The following MUC4 variants were observed in gnomAD, a reference collection of about 807,000 sequenced individuals.
MUC4 encodes the protein mucin 4, cell surface associated, also known as mucin-4.
Under a neutral mutation model 257.9 loss-of-function variants are expected in MUC4, and 202 were observed. That is an observed-to-expected ratio of 0.78 (90% CI 0.70 to 0.88). MUC4 has a LOEUF of 0.88. Ranked by LOEUF, MUC4 falls within the 40% of genes least tolerant of loss-of-function variation. The pLI, the probability that MUC4 is intolerant of heterozygous loss-of-function variation, is 0.00. For synonymous variants in MUC4, 2,351 were observed against 2,757.1 expected, an observed-to-expected ratio of 0.85 and a Z score of 4.62; for missense variants, 5,976 against 6,513.7, an observed-to-expected ratio of 0.92 and a Z score of 2.84.
At chr3:195,806,646 G>A (rs1736021112) in intron 1 of MUC4, among the ~76,000 whole-genome samples, 1 of 152,226 alleles carries the variant, frequency 6.6e-6, no homozygotes, top group African/African-American at 2.4e-5. Context: ...TCAGCAGGGT[G>A]TGTGAATGCT....
intron 1 of MUC4, among the ~76,000 whole-genome samples, chr3:195,793,441 G>A (rs1256505390): frequency 6.6e-6 from 1 of 151,976 alleles, no homozygotes; most frequent in Non-Finnish European, 1.5e-5. Context: ...GGTGGAGGTT[G>A]CAGTGAGCAG....
At chr3:195,774,751 T>G (rs1274661920) in intron 3 of MUC4, among the ~76,000 whole-genome samples, 1 of 151,646 alleles carries the variant, frequency 6.6e-6, no homozygotes, top group Non-Finnish European at 1.5e-5. Context: ...AATACAAAAA[T>G]TAGCCGGGTG....
intron 14 of MUC4, 148 bp from the exon 15 acceptor site, chr3:195,761,733 C>A: frequency 1.5e-6 from 1 of 657,568 alleles, no homozygotes; most frequent in African/African-American, 1.8e-5. Flanking sequence ...GCCGGGAGGA[C>A]GGGCCCTCAC....
chr3:195,778,706 C>A, intron 2 of MUC4, 84 bp downstream of exon 2: 3 of 1,429,132 alleles, frequency 2.1e-6, no homozygotes, highest in Non-Finnish European at 2.8e-6. Flanking sequence ...AATGCGAATG[C>A]ACCAGTGTTC....
rs569820601 is a variant in MUC4 at position 195,759,240 on chromosome 3, T to C, written c.14870A>G (p.Asn4957Ser). ...GTAGGCTTCAATCACACGACCACCA[T>C]TGATGGAGGGCGGGTACTGATCTGA... ...ATLNQYPPSI[N>S]GGRVIEAYKG... The change falls in exon 17 of 25, where the codon AAT (asparagine) becomes AGT (serine). Residue 4957 changes from asparagine to serine, a missense_variant. Around this residue, in one of 44 missense-constraint regions of MUC4, gnomAD observed 996 missense variants for 1,137.3 expected, o/e 0.88. Coordinates refer to ENST00000463781, the MANE Select transcript of MUC4 (RefSeq NM_018406.7). The C allele has an allele frequency of 6.2e-6, 10 of 1,614,036 alleles. No individual in the cohort carries two copies. In the South Asian group the frequency reaches 8.8e-5, roughly 14 times the overall value.
intron 1 of MUC4, among the ~76,000 whole-genome samples, chr3:195,798,245 G>A (rs1734799941): frequency 6.6e-6 from 1 of 152,164 alleles, no homozygotes; most frequent in African/African-American, 2.4e-5. Context: ...AACAAAAGAT[G>A]TGCTTAATCT....
rs767871456 is a variant in MUC4 at position 195,765,049 on chromosome 3, C to T, written c.13872G>A (p.Gly4624=). ...SWRGGVCCSY[G]PWGEFREGWH... is the part of the protein sequence containing the mutation. ...AGCCTTCACGAAACTCTCCCCAGGG[C>T]CCGTAGCTGCAGCACACGCCTCCTC... The change falls in exon 10 of 25, where the codon GGG becomes GGA. Residue 4624 remains glycine, a synonymous_variant. Coordinates refer to ENST00000463781, the MANE Select transcript of MUC4 (RefSeq NM_018406.7). The T allele has an allele frequency of 6.2e-7, 1 of 1,613,858 alleles. No individual in the cohort carries two copies. The highest frequency in any genetic ancestry group is 8.5e-7 in the Non-Finnish European group (1 of 1,180,014).
intron 2 of MUC4, 106 bp downstream of exon 2, chr3:195,778,684 G>A (rs977157259): frequency 2.2e-6 from 3 of 1,369,594 alleles, no homozygotes; most frequent in East Asian, 2.5e-5. Flanking sequence ...ACCTGACACG[G>A]CCCCACCAGG....
chr3:195,807,653 T>C (rs1320865309), intron 1 of MUC4, among the ~76,000 whole-genome samples: 9 of 152,116 alleles, frequency 5.9e-5, no homozygotes, highest in Admixed American at 5.9e-4. Flanking sequence ...AGGCTGAAAC[T>C]AGGGGGAGAG....
intron 3 of MUC4, among the ~76,000 whole-genome samples, chr3:195,774,913 A>AT (rs1724004508): frequency 6.6e-6 from 1 of 151,648 alleles, no homozygotes; most frequent in Admixed American, 6.6e-5. Context: ...AAAAAAAAAA[A>AT]AAAAATAGAC....
chr3:195,780,269 T>G lies in MUC4; in HGVS notation c.11311A>C (p.Thr3771Pro), dbSNP rs775397837. ...ACAGGAAGAGGCGTGGCGTGACCTG[T>G]GGACACTGAGGAAGCGTCGGTGACA... Reference protein sequence around the residue: ...LLVTDASSVSTGHATPLPVTD... With the variant: ...LLVTDASSVSPGHATPLPVTD... Residue 3771 changes from threonine to proline, a missense_variant, in exon 2 of 25, where the codon ACA (threonine) becomes CCA (proline). This residue lies in a region of MUC4 where 330 missense variants were observed against 262.0 expected (regional missense o/e 1.26). Coordinates refer to ENST00000463781, the MANE Select transcript of MUC4 (RefSeq NM_018406.7). 1.3e-6 allele frequency: 2 copies of G among 1,527,426 alleles called. No homozygotes were observed. Among genetic ancestry groups the G allele is most frequent in the Non-Finnish European group, 1.8e-6 (2 of 1,129,920 alleles). 94.6% of individuals were successfully genotyped at this position (1,527,426 alleles called of 1,614,324 possible). A position where few individuals can be genotyped will look rare whatever the true frequency, so the allele number is the denominator to read the frequency against.
chr3:195,762,388 G>GGA lies in MUC4; in HGVS notation c.14345-136_14345-135dup, dbSNP rs1719204890. Reference sequence around the variant, plus strand: ...GCCGGGAGGGGTCTGCACTGGAGGCGGAGAAGAGGCCGGCGAGCTGCACGC... The same window carrying GGA: ...GCCGGGAGGGGTCTGCACTGGAGGCGGAGAGAAGAGGCCGGCGAGCTGCACGC... On this transcript the variant is annotated intron_variant, in intron 13 of 24. Coordinates refer to ENST00000463781, the MANE Select transcript of MUC4 (RefSeq NM_018406.7). 4 of 1,003,720 alleles carry GGA rather than the reference G, an allele frequency of 4.0e-6. No individual in the cohort carries two copies. The East Asian group carries it at 1.1e-4, about 27-fold the overall frequency. 62.2% of individuals were successfully genotyped at this position (1,003,720 alleles called of 1,614,324 possible).
intron 17 of MUC4, 149 bp downstream of exon 17, chr3:195,758,975 C>A: frequency 8.9e-7 from 1 of 1,129,474 alleles, no homozygotes; most frequent in Non-Finnish European, 1.3e-6. Context: ...TTATAGATAT[C>A]GCTCCTCGGA....
In MUC4 at chr3:195,789,580, G is replaced by A. The variant is rs1170204046; in HGVS notation, c.2000C>T (p.Pro667Leu). 1.2e-6 allele frequency: 2 copies of A among 1,613,828 alleles called. No homozygotes were observed. The highest frequency in any genetic ancestry group is 1.7e-6 in the Non-Finnish European group (2 of 1,179,884). ...PMTDTKTVTT[P>L]GSSFTASGHS... ...CCCACTGGCTGTGAAGGAAGAACCTGGGGTGGTGACTGTCTTGGTGTCAGT... is the reference window on the plus strand; with the variant it reads ...CCCACTGGCTGTGAAGGAAGAACCTAGGGTGGTGACTGTCTTGGTGTCAGT... Residue 667 changes from proline (P) to leucine (L), a missense_variant, in exon 2 of 25, where the codon CCA (proline) becomes CTA (leucine). By Grantham distance (98) the Pro-to-Leu change is moderately conservative. This residue lies in a region of MUC4 where 1,583 missense variants were observed against 1,257.4 expected (regional missense o/e 1.26). Transcript: ENST00000463781.
chr3:195,778,662 C>T (rs965537097), intron 2 of MUC4, 128 bp downstream of exon 2: 9 of 1,292,250 alleles, frequency 7.0e-6, no homozygotes, highest in East Asian at 5.1e-5. Flanking sequence ...CCATCACCTC[C>T]TCCCCTGTGG....
chr3:195,790,236 G>A lies in MUC4; in HGVS notation c.1344C>T (p.Ser448=). 1.9e-6 allele frequency: 3 copies of A among 1,614,034 alleles called. No homozygotes were observed. The highest frequency in any genetic ancestry group is 1.7e-6 in the Non-Finnish European group (2 of 1,179,904). ...LSPSSLPPKI[S]TAFHTQQSEG... ...CACTCTGCTGGGTGTGGAAAGCTGTGGATATTTTTGGAGGTAGAGAACTGG... is the reference window on the plus strand; with the variant it reads ...CACTCTGCTGGGTGTGGAAAGCTGTAGATATTTTTGGAGGTAGAGAACTGG... Residue 448 remains serine, a synonymous_variant, in exon 2 of 25, where the codon TCC becomes TCT. Coordinates refer to ENST00000463781, the MANE Select transcript of MUC4 (RefSeq NM_018406.7).
At chr3:195,778,619 C>A (rs1725584221) in intron 2 of MUC4, among the ~76,000 whole-genome samples, 164 bp from the exon 3 acceptor site, 1 of 152,194 alleles carries the variant, frequency 6.6e-6, no homozygotes, top group South Asian at 2.1e-4. Flanking sequence ...TCGATTGCGG[C>A]ACAAAGGAGG....
Position 195,750,802 on chromosome 3 carries a change from A to G in MUC4, c.15871+87T>C, listed in dbSNP as rs1247625297. 14 of 1,260,252 alleles carry G rather than the reference A, an allele frequency of 1.1e-5. No individual in the cohort carries two copies. In the East Asian group the frequency reaches 2.4e-4, roughly 21 times the overall value. The allele number at this position is 1,260,252 out of a possible 1,614,324, so 78.1% of individuals were successfully genotyped here. ...AAAACCAAACAAACAGAAAAACTCAATTAGCTTGTTTGTGTGGGCTGAAGC... is the reference window on the plus strand; with the variant it reads ...AAAACCAAACAAACAGAAAAACTCAGTTAGCTTGTTTGTGTGGGCTGAAGC... On this transcript the variant is annotated intron_variant, in intron 23 of 24. Transcript: ENST00000463781.
rs1438580385 is a variant in MUC4, at chr3:195,788,873, C to T, written c.2707G>A (p.Ala903Thr). ...TGAGTCTGGGCCATCCGGGAAATGG[C>T]GGCTGTCTCCTGAGGAGAGGCACTG... ...SPSASPQETA[A>T]ISRMAQTQRT... Residue 903 changes from alanine (A) to threonine (T), a missense_variant, in exon 2 of 25, where the codon GCC (alanine) becomes ACC (threonine). Ala to Thr is a moderately conservative substitution (Grantham distance 58). Transcript: ENST00000463781. The T allele has an allele frequency of 1.4e-5, 22 of 1,613,796 alleles. No homozygotes were observed. The highest frequency in any genetic ancestry group is 1.5e-5 in the Non-Finnish European group (18 of 1,179,812).
Sources: gnomAD v4.1 joint callset for allele counts (sites outside exome capture counted in the v4.1 genomes callset) on GRCh38, gnomAD v4.1.1 for gene constraint, gnomAD v4.1.1 regional missense constraint, MANE v1.5 for transcripts, NCBI Gene and HGNC (gene_info 2026-07-23, HGNC 2026-07-21) for gene names.